BLOC1S5: variants seen among roughly 807,000 people sequenced by gnomAD.
BLOC1S5 encodes the protein biogenesis of lysosome-related organelles complex 1 subunit 5.
Under a neutral mutation model 24.3 loss-of-function variants are expected in BLOC1S5, and 27 were observed. That is an observed-to-expected ratio of 1.11 (90% CI 0.82 to 1.53). BLOC1S5 has a LOEUF of 1.53. BLOC1S5 is among the 40% of genes most tolerant of loss of function. The pLI is 0.00. For missense variants in BLOC1S5, 239 were observed against 229.4 expected, an observed-to-expected ratio of 1.04 and a Z score of -0.27; for synonymous variants, 84 against 74.5, an observed-to-expected ratio of 1.13 and a Z score of -0.66.
chr6:8,026,048 G>C (rs1763090999), intron 4 of BLOC1S5, among the ~76,000 whole-genome samples: 1 of 152,170 alleles, frequency 6.6e-6, no homozygotes, highest in Non-Finnish European at 1.5e-5. Flanking sequence ...CAGGCTCAGA[G>C]GAAAGATTTA....
chr6:8,047,158 TCTCACACACA>T (rs758399643), intron 2 of BLOC1S5, among the ~76,000 whole-genome samples: 119 of 58,020 alleles, frequency 2.1e-3, no homozygotes, highest in East Asian at 0.017. Flanking sequence ...TCTCTCTCTC[TCTCACACACA>T]CACACACACA....
rs149066928 is a variant in BLOC1S5 at position 8,035,763 on chromosome 6, G to A, written c.325+5376C>T. Among the ~76,000 whole-genome samples the A allele has an allele frequency of 1.4e-3, 220 of 152,244 alleles. 2 individuals carry two copies. Among genetic ancestry groups the A allele is most frequent in the Non-Finnish European group, 8.7e-4 (59 of 68,022 alleles). On this transcript the variant is annotated intron_variant, in intron 3 of 4. Coordinates refer to ENST00000397457, the MANE Select transcript of BLOC1S5 (RefSeq NM_201280.3). The stretch of plus-strand genomic sequence containing the variant: ...CAGGAAACATTAATAGATCTAAAGG[G>A]AGAGATAGAATGCAATAGCCGCAGG...
chr6:8,041,327 T>TTTC, intron 2 of BLOC1S5, 59 bp from the exon 3 acceptor site: 1 of 1,492,412 alleles, frequency 6.7e-7, no homozygotes, highest in East Asian at 2.3e-5. Context: ...TTTTTTTTTT[T>TTTC]TTTGAAATGG....
intron 3 of BLOC1S5, among the ~76,000 whole-genome samples, chr6:8,028,326 T>C (rs1274416228): frequency 6.6e-6 from 1 of 151,804 alleles, no homozygotes; most frequent in African/African-American, 2.4e-5. Context: ...TATTGAAAAT[T>C]AGGTTCCCAA....
At chr6:8,027,183 C>T in intron 3 of BLOC1S5, 1 of 304,552 alleles carries the variant, frequency 3.3e-6, no homozygotes, top group Non-Finnish European at 6.6e-6. Context: ...GATGCATTTT[C>T]TGTTCATAAA....
intron 2 of BLOC1S5, among the ~76,000 whole-genome samples, chr6:8,059,870 C>A (rs892940368): frequency 3.9e-5 from 6 of 152,188 alleles, no homozygotes; most frequent in African/African-American, 1.4e-4. Context: ...CCTTCAGAGA[C>A]CATTCTTCAA....
rs565659126 is a variant in BLOC1S5 at position 8,013,592 on chromosome 6, T to C, written c.*2057A>G. On this transcript the variant is annotated 3_prime_UTR_variant, in exon 5 of 5. Transcript: ENST00000397457. Reference sequence around the variant, plus strand: ...TAGGGTAAAGTATTTATTATTCACATGAGATGAACACAAACTATCAGAAAT... The same window carrying C: ...TAGGGTAAAGTATTTATTATTCACACGAGATGAACACAAACTATCAGAAAT... 2.9e-4 allele frequency: 44 copies of C among 152,350 alleles called. No individual in the cohort carries two copies. The highest frequency in any genetic ancestry group is 1.0e-3 in the African/African-American group (43 of 41,586). The allele number at this position is 152,350 out of a possible 1,614,324, so 9.4% of individuals were successfully genotyped here.
intron 2 of BLOC1S5, among the ~76,000 whole-genome samples, chr6:8,056,827 A>T (rs1764326676): frequency 6.6e-6 from 1 of 152,242 alleles, no homozygotes; most frequent in Non-Finnish European, 1.5e-5. Flanking sequence ...CTACTTATTT[A>T]AAGGGTTATT....
chr6:8,035,359 T>TAAAA lies in BLOC1S5; in HGVS notation c.325+5776_325+5779dup, dbSNP rs60896604. Reference sequence around the variant, plus strand: ...GGAATAAAAATCTTTTTTTTTTTTTTAAAAAAAAGGCATAGAGTGGCTGAA... The same window carrying TAAAA: ...GGAATAAAAATCTTTTTTTTTTTTTTAAAAAAAAAAAAGGCATAGAGTGGCTGAA... On this transcript the variant is annotated intron_variant, in intron 3 of 4. Transcript: ENST00000397457. Among the ~76,000 whole-genome samples the TAAAA allele has an allele frequency of 3.2e-3, 476 of 148,544 alleles. 7 individuals are homozygous for TAAAA. In the East Asian group the frequency reaches 0.048, roughly 15 times the overall value.
At chr6:8,057,685 A>G (rs1252300008) in intron 2 of BLOC1S5, among the ~76,000 whole-genome samples, 1 of 152,254 alleles carries the variant, frequency 6.6e-6, no homozygotes, top group Non-Finnish European at 1.5e-5. Flanking sequence ...CAGGAGATCA[A>G]GTGAAATTCC....
intron 3 of BLOC1S5, among the ~76,000 whole-genome samples, chr6:8,027,822 C>CAAA (rs34329491): frequency 5.7e-4 from 71 of 125,348 alleles, no homozygotes; most frequent in South Asian, 1.3e-3. Context: ...GACTCCATCT[C>CAAA]AAAAAAAAAA....
intron 4 of BLOC1S5, among the ~76,000 whole-genome samples, chr6:8,022,509 C>A (rs546801498): frequency 2.0e-5 from 3 of 151,524 alleles, no homozygotes; most frequent in Non-Finnish European, 4.4e-5. Flanking sequence ...ATAACAACTG[C>A]CAAAAATGAT....
chr6:8,030,865 C>CAAAA (rs55692261), intron 3 of BLOC1S5, among the ~76,000 whole-genome samples: 1 of 118,584 alleles, frequency 8.4e-6, no homozygotes, highest in East Asian at 3.2e-4. Flanking sequence ...GACCAACAGT[C>CAAAA]AAAAAAAAAA....
chr6:8,062,566 C>G lies in BLOC1S5; in HGVS notation c.163G>C (p.Gly55Arg), dbSNP rs1757302953. 1 of 1,599,298 alleles carries G rather than the reference C, an allele frequency of 6.3e-7. No homozygotes were observed. The highest frequency in any genetic ancestry group is 8.5e-7 in the Non-Finnish European group (1 of 1,171,834). The change falls in exon 2 of 5, where the codon GGT becomes CGT. Residue 55 changes from glycine (G) to arginine (R), a missense_variant. Gly to Arg is a moderately radical substitution (Grantham distance 125, BLOSUM62 -2). Transcript: ENST00000397457. ...TCTTTTACAAAATAACGAGTTTCAC[C>G]TTGAATAACTGGTCTGTGATCCAAA... ...RLLDHRPVIQGETRYFVKEFE... is the reference protein window; with the variant it reads ...RLLDHRPVIQRETRYFVKEFE...
intron 2 of BLOC1S5, among the ~76,000 whole-genome samples, chr6:8,050,916 T>C (rs1764086201): frequency 6.6e-6 from 1 of 151,674 alleles, no homozygotes. Flanking sequence ...AAAAGGAAGA[T>C]TCTTGAAGGA....
chr6:8,028,820 C>A (rs1355419820), intron 3 of BLOC1S5, among the ~76,000 whole-genome samples: 1 of 151,950 alleles, frequency 6.6e-6, no homozygotes, highest in Non-Finnish European at 1.5e-5. Flanking sequence ...CAGACTGCAC[C>A]AAACATTCCC....
rs375054652 is a variant in BLOC1S5 at position 8,064,324 on chromosome 6, C to T, written c.53G>A (p.Gly18Asp). 2.5e-6 allele frequency: 4 copies of T among 1,613,392 alleles called. No individual in the cohort carries two copies. The African/African-American group carries it at 4.0e-5, about 16-fold the overall frequency. The change falls in exon 1 of 5, where the codon GGT (glycine) becomes GAT (aspartate). Residue 18 changes from glycine (G) to aspartate (D), a missense_variant. Gly to Asp is a moderately conservative substitution (Grantham distance 94). Transcript: ENST00000397457. Reference sequence around the variant, plus strand: ...CAGGGAGTCCCTCTTCTTGCTGCCACCGCCCGGGGCGGCCTCACAACCCAC... The same window carrying T: ...CAGGGAGTCCCTCTTCTTGCTGCCATCGCCCGGGGCGGCCTCACAACCCAC... ...TPVGCEAAPG[G>D]GSKKRDSLGT...
intron 2 of BLOC1S5, among the ~76,000 whole-genome samples, chr6:8,057,644 G>A (rs1397456899): frequency 2.0e-5 from 3 of 152,184 alleles, no homozygotes; most frequent in Non-Finnish European, 4.4e-5. Context: ...ACCTGACAGT[G>A]TCTCTAGTAA....
chr6:8,041,217 T>C lies in BLOC1S5; in HGVS notation c.247A>G (p.Ile83Val). ...AGAGTATGTTCATTTGTTTCATGGATCATGTTCTTCAAATTTTCAAGAACT... is the reference window on the plus strand; with the variant it reads ...AGAGTATGTTCATTTGTTTCATGGACCATGTTCTTCAAATTTTCAAGAACT... ...MRVLENLKNM[I>V]HETNEHTLPK... The change falls in exon 3 of 5, where the codon ATC becomes GTC. Residue 83 changes from isoleucine (I) to valine (V), a missense_variant. By Grantham distance (29) the Ile-to-Val change is conservative (BLOSUM62 3). Coordinates refer to ENST00000397457, the MANE Select transcript of BLOC1S5 (RefSeq NM_201280.3). 6.2e-7 allele frequency: 1 copy of C among 1,613,204 alleles called. No individual in the cohort carries two copies. The highest frequency in any genetic ancestry group is 2.2e-5 in the East Asian group (1 of 44,876).
Sources: gnomAD v4.1 joint callset for allele counts (sites outside exome capture counted in the v4.1 genomes callset) on GRCh38, gnomAD v4.1.1 for gene constraint, MANE v1.5 for transcripts, NCBI Gene and HGNC (gene_info 2026-07-23, HGNC 2026-07-21) for gene names.